The following NFIA variants were observed in gnomAD, a reference collection of about 807,000 sequenced individuals.
The protein encoded by NFIA is nuclear factor 1 A-type.
NFIA carries 8 observed loss-of-function variants against 62.8 expected under a neutral mutation model. The observed-to-expected ratio is 0.13, with a 90% CI of 0.07 to 0.23. NFIA has a LOEUF of 0.23. NFIA is among the 10% of genes least tolerant of loss of function. NFIA has a pLI of 1.00. For synonymous variants in NFIA, 235 were observed against 238.1 expected, an observed-to-expected ratio of 0.99 and a Z score of 0.12; for missense variants, 410 against 642.1, an observed-to-expected ratio of 0.64 and a Z score of 3.91.
At chr1:61,233,098 T>C (rs1654777715) in intron 2 of NFIA, among the ~76,000 whole-genome samples, 1 of 152,234 alleles carries the variant, frequency 6.6e-6, no homozygotes, top group African/African-American at 2.4e-5. Flanking sequence ...AAATGTTCTT[T>C]CTTTTTTCCC....
chr1:61,190,504 G>C (rs1023640927), intron 2 of NFIA, among the ~76,000 whole-genome samples: 1 of 152,174 alleles, frequency 6.6e-6, no homozygotes, highest in African/African-American at 2.4e-5. Flanking sequence ...ACAGACACAC[G>C]TCTTATCCCA....
chr1:61,116,529 ATCTTC>A (rs1646796279), intron 2 of NFIA, among the ~76,000 whole-genome samples: 1 of 151,772 alleles, frequency 6.6e-6, no homozygotes, highest in South Asian at 2.1e-4. Context: ...CCTGGCATGC[ATCTTC>A]TCGATGGTCT....
At chr1:61,115,174 T>C (rs1395596209) in intron 2 of NFIA, among the ~76,000 whole-genome samples, 2 of 152,112 alleles carry the variant, frequency 1.3e-5, no homozygotes, top group Non-Finnish European at 2.9e-5. Flanking sequence ...AGAGACGGGG[T>C]TTCACCATGT....
At chr1:61,287,316 T>C (rs1658568970) in intron 3 of NFIA, among the ~76,000 whole-genome samples, 1 of 152,216 alleles carries the variant, frequency 6.6e-6, no homozygotes, top group African/African-American at 2.4e-5. Flanking sequence ...TTTTCCCTCG[T>C]GCATATTACT....
rs771854065 is a variant in NFIA, at chr1:61,387,480, T to TG, written c.1075+4115_1075+4116insG. ...GCTCAAGCACTTTCTTTTTTTTTTT[T>TG]TTTTTTTTTTTGAGACGGAGTCTCG... On this transcript the variant is annotated intron_variant, in intron 7 of 10. Coordinates refer to ENST00000403491, the MANE Select transcript of NFIA (RefSeq NM_001134673.4). Among the ~76,000 whole-genome samples the TG allele has an allele frequency of 3.6e-3, 525 of 143,996 alleles. 3 individuals are homozygous for TG. Among genetic ancestry groups the TG allele is most frequent in the Non-Finnish European group, 4.7e-3 (305 of 65,572 alleles). 94.5% of individuals were successfully genotyped at this position (143,996 alleles called of 152,430 possible). A position where few individuals can be genotyped will look rare whatever the true frequency, so the allele number is the denominator to read the frequency against.
intron 2 of NFIA, among the ~76,000 whole-genome samples, chr1:61,169,858 A>G (rs1308229428): frequency 6.6e-6 from 1 of 152,164 alleles, no homozygotes; most frequent in Non-Finnish European, 1.5e-5. Context: ...GAGCCATATT[A>G]GTTGAGTAAA....
At chr1:61,398,610 T>C (rs1324094200) in intron 7 of NFIA, among the ~76,000 whole-genome samples, 2 of 152,226 alleles carry the variant, frequency 1.3e-5, no homozygotes, top group African/African-American at 4.8e-5. Context: ...CACGTGCATC[T>C]TCGTGATGTT....
chr1:61,085,973 A>G (rs1043533116), intron 1 of NFIA, among the ~76,000 whole-genome samples: 3 of 152,308 alleles, frequency 2.0e-5, no homozygotes, highest in African/African-American at 7.2e-5. Flanking sequence ...GTATCTACAG[A>G]CACTTAAAAT....
chr1:61,386,725 A>G (rs1664705584), intron 7 of NFIA, among the ~76,000 whole-genome samples: 1 of 152,238 alleles, frequency 6.6e-6, no homozygotes, highest in Admixed American at 6.5e-5. Context: ...TAAGATTGCA[A>G]AGCAAAGGGA....
rs1668326102 is a variant in NFIA at position 61,456,807 on chromosome 1, AAAAAAC to A, written c.*1499_*1504del. On this transcript the variant is annotated 3_prime_UTR_variant, in exon 11 of 11. Coordinates refer to ENST00000403491, the MANE Select transcript of NFIA (RefSeq NM_001134673.4). ...TCCTGTATCTTATGAAAAAAAAAAC[AAAAAAC>A]AAAAACAAAAAAAAAACACAAAAAA... 1 of 126,314 alleles carries A rather than the reference AAAAAAC, an allele frequency of 7.9e-6. No homozygotes were observed. Among genetic ancestry groups the A allele is most frequent in the African/African-American group, 3.1e-5 (1 of 31,770 alleles). The allele number at this position is 126,314 out of a possible 1,614,324, so 7.8% of individuals were successfully genotyped here. A position where few individuals can be genotyped will look rare whatever the true frequency, so the allele number is the denominator to read the frequency against.
chr1:61,279,968 G>A (rs1196741948), intron 3 of NFIA, among the ~76,000 whole-genome samples: 2 of 152,034 alleles, frequency 1.3e-5, no homozygotes, highest in Admixed American at 1.3e-4. Flanking sequence ...TTCAAAGAAA[G>A]AAAGTATTAA....
At chr1:61,214,368 A>G (rs1459539608) in intron 2 of NFIA, among the ~76,000 whole-genome samples, 1 of 152,100 alleles carries the variant, frequency 6.6e-6, no homozygotes, top group Non-Finnish European at 1.5e-5. Flanking sequence ...AATTTTGCTA[A>G]TATCTTACAT....
In NFIA at chr1:61,241,982, G is replaced by C. The variant is rs554394519; in HGVS notation, c.560-35538G>C. On this transcript the variant is annotated intron_variant, in intron 2 of 10. Transcript: ENST00000403491. ...ATCGAAGAGCGTTAACTAAGACTTC[G>C]GGCTGTGCCTTTTTGTACTGCTTGC... Among the ~76,000 whole-genome samples the C allele has an allele frequency of 2.0e-5, 3 of 152,172 alleles. No individual in the cohort carries two copies. In the South Asian group the frequency reaches 6.2e-4, roughly 32 times the overall value.
chr1:61,136,815 C>T (rs1647201932), intron 2 of NFIA, among the ~76,000 whole-genome samples: 2 of 151,968 alleles, frequency 1.3e-5, no homozygotes, highest in African/African-American at 2.4e-5. Context: ...GGGGTTTTTT[C>T]GGTGCACATT....
intron 2 of NFIA, among the ~76,000 whole-genome samples, chr1:61,108,477 A>G (rs1204484024): frequency 6.6e-6 from 1 of 151,634 alleles, no homozygotes; most frequent in Non-Finnish European, 1.5e-5. Context: ...CCAATAATGT[A>G]TTGGTAAGTT....
At chr1:61,404,435 T>C (rs192473362) in intron 8 of NFIA, among the ~76,000 whole-genome samples, 153 bp downstream of exon 8, 183 of 152,376 alleles carry the variant, frequency 1.2e-3, no homozygotes, top group African/African-American at 4.3e-3. Context: ...GTGGGAAAGT[T>C]AACTTGGTCT....
intron 2 of NFIA, among the ~76,000 whole-genome samples, chr1:61,265,291 C>T (rs927306048): frequency 6.6e-6 from 1 of 152,048 alleles, no homozygotes; most frequent in Admixed American, 6.6e-5. Context: ...TATTGTACTG[C>T]AATTAATTTT....
intron 2 of NFIA, among the ~76,000 whole-genome samples, chr1:61,098,823 A>G (rs1035265414): frequency 6.6e-6 from 1 of 152,366 alleles, no homozygotes. Context: ...AATGTATTTT[A>G]GAGTTTCAGT....
At chr1:61,122,964 T>G (rs1243943399) in intron 2 of NFIA, among the ~76,000 whole-genome samples, 1 of 152,214 alleles carries the variant, frequency 6.6e-6, no homozygotes, top group Non-Finnish European at 1.5e-5. Context: ...CGTATGTCCA[T>G]GTATCCAGGA....
Sources: gnomAD v4.1 joint callset for allele counts (sites outside exome capture counted in the v4.1 genomes callset) on GRCh38, gnomAD v4.1.1 for gene constraint, MANE v1.5 for transcripts, NCBI Gene and HGNC (gene_info 2026-07-23, HGNC 2026-07-21) for gene names.